DNM3: variants seen among roughly 807,000 people sequenced by gnomAD.
DNM3 encodes dynamin-3.
DNM3 carries 47 observed loss-of-function variants against 101.6 expected under a neutral mutation model. The observed-to-expected ratio is 0.46, with a 90% CI of 0.37 to 0.59. DNM3 has a LOEUF of 0.59. Among genes scored for constraint, DNM3 ranks in the 20% least tolerant of loss-of-function variants. The pLI is 0.00. For synonymous variants in DNM3, 385 were observed against 387.9 expected (o/e 0.99, Z 0.09); for missense variants, 849 against 1,085.7 (o/e 0.78, Z 3.06).
chr1:172,267,044 C>G (rs915340872), intron 15 of DNM3, among the ~76,000 whole-genome samples: 2 of 152,186 alleles, frequency 1.3e-5, no homozygotes, highest in Non-Finnish European at 2.9e-5. Context: ...GGGGGATCAC[C>G]TGAACAATGA....
intron 4 of DNM3, among the ~76,000 whole-genome samples, chr1:172,017,012 T>C (rs1182977324): frequency 6.6e-6 from 1 of 152,168 alleles, no homozygotes; most frequent in Admixed American, 6.5e-5. Flanking sequence ...ATTTAGGTTT[T>C]CAAATTTATG....
At chr1:172,038,297 T>C (rs1284126295) in intron 6 of DNM3, 22 bp from the exon 7 acceptor site, 18 of 1,612,816 alleles carry the variant, frequency 1.1e-5, no homozygotes, top group Non-Finnish European at 1.4e-5. Context: ...TCAATCTGTG[T>C]GTATCATTTT....
intron 15 of DNM3, among the ~76,000 whole-genome samples, chr1:172,277,475 A>G (rs1293590095): frequency 6.6e-6 from 1 of 152,030 alleles, no homozygotes; most frequent in Non-Finnish European, 1.5e-5. Context: ...AAAGGCAGTG[A>G]GTGTAGGAGT....
chr1:172,171,907 G>C (rs903453859), intron 14 of DNM3, among the ~76,000 whole-genome samples: 3 of 151,672 alleles, frequency 2.0e-5, no homozygotes, highest in Non-Finnish European at 3.0e-5. Context: ...TGAGAAAAGG[G>C]GATGGGGGAT....
At chr1:171,884,629 T>C (rs1222180467) in intron 1 of DNM3, among the ~76,000 whole-genome samples, 1 of 152,178 alleles carries the variant, frequency 6.6e-6, no homozygotes, top group Non-Finnish European at 1.5e-5. Flanking sequence ...TGCTTTCTGA[T>C]GGGACTCACT....
intron 17 of DNM3, among the ~76,000 whole-genome samples, chr1:172,340,075 A>C (rs1296337645): frequency 3.3e-5 from 5 of 152,164 alleles, no homozygotes; most frequent in African/African-American, 1.2e-4. Flanking sequence ...TGTATGAAGA[A>C]TGGATTTAGT....
intron 16 of DNM3, chr1:172,309,968 A>G (rs1428086355): frequency 2.0e-5 from 3 of 152,228 alleles, no homozygotes; most frequent in Non-Finnish European, 4.4e-5. Flanking sequence ...TCTGACACCT[A>G]AAACAATGAA....
At chr1:171,982,822 A>G (rs1022383236) in intron 2 of DNM3, among the ~76,000 whole-genome samples, 1 of 152,214 alleles carries the variant, frequency 6.6e-6, no homozygotes, top group African/African-American at 2.4e-5. Context: ...AAATGACTTC[A>G]GACAAATATG....
intron 16 of DNM3, among the ~76,000 whole-genome samples, chr1:172,313,757 T>A (rs1214857693): frequency 6.6e-6 from 1 of 151,382 alleles, no homozygotes; most frequent in African/African-American, 2.4e-5. Context: ...ATGTGTTCAA[T>A]GTCTCATAGC....
intron 1 of DNM3, among the ~76,000 whole-genome samples, chr1:171,846,297 T>G (rs1272793261): frequency 2.0e-5 from 3 of 152,200 alleles, no homozygotes; most frequent in Non-Finnish European, 4.4e-5. Flanking sequence ...ATTAGTAATG[T>G]CTGAGAGCAA....
chr1:172,162,424 A>G (rs2058578975), intron 14 of DNM3, among the ~76,000 whole-genome samples: 1 of 152,046 alleles, frequency 6.6e-6, no homozygotes, highest in African/African-American at 2.4e-5. Context: ...GATTAATGTC[A>G]AGTAGTTTAC....
chr1:172,303,235 G>A (rs2064563968), intron 15 of DNM3, among the ~76,000 whole-genome samples: 1 of 152,144 alleles, frequency 6.6e-6, no homozygotes, highest in Non-Finnish European at 1.5e-5. Context: ...CATGATGCAT[G>A]CACAAGCTTC....
chr1:172,217,427 T>A (rs2060743465), intron 14 of DNM3, among the ~76,000 whole-genome samples: 1 of 152,120 alleles, frequency 6.6e-6, no homozygotes, highest in South Asian at 2.1e-4. Context: ...ATATTTAAAA[T>A]CTCCTACTGG....
At chr1:172,399,461 T>A (rs2070291463) in intron 20 of DNM3, among the ~76,000 whole-genome samples, 2 of 152,116 alleles carry the variant, frequency 1.3e-5, no homozygotes, top group Admixed American at 1.3e-4. Context: ...ACCAGTCCCA[T>A]CTTAACTGCA....
intron 17 of DNM3, chr1:172,338,792 T>C (rs776922888): frequency 2.1e-6 from 1 of 483,274 alleles, no homozygotes; most frequent in South Asian, 1.5e-5. Context: ...CTCTGAAAAC[T>C]TTCAGGGAGT....
rs56401358 is a variant in DNM3, at chr1:172,307,423, G to T, written c.1770-1305G>T. On this transcript the variant is annotated intron_variant, in intron 15 of 20. Transcript: ENST00000627582. ...AAATAGGAATGCTTTTACACGGTTG[G>T]TGGGAGTGTAAACTAGTTCAACCAT... 7.1e-3 allele frequency among the ~76,000 whole-genome samples: 1,089 copies of T among 152,318 alleles called. 11 individuals carry two copies. Among genetic ancestry groups the T allele is most frequent in the African/African-American group, 0.025 (1,032 of 41,558 alleles).
Position 172,167,040 on chromosome 1 carries a change from G to A in DNM3, c.1659+35752G>A, listed in dbSNP as rs554974091. Among the ~76,000 whole-genome samples the A allele has an allele frequency of 5.3e-5, 8 of 151,846 alleles. No individual in the cohort carries two copies. The East Asian group carries it at 1.6e-3, about 29-fold the overall frequency. ...ACCCATTAACTCGTCATTTACATTAGGTATATCTCCTAATGCTATCCCTCC... is the reference window on the plus strand; with the variant it reads ...ACCCATTAACTCGTCATTTACATTAAGTATATCTCCTAATGCTATCCCTCC... On this transcript the variant is annotated intron_variant, in intron 14 of 20. Transcript: ENST00000627582.
chr1:172,038,402 A>G lies in DNM3; in HGVS notation c.933A>G (p.Val311=). ...AGTTGCTCTCCATAGAACATGAAGTAGAAGCCTACAAAAATTTCAAACCAG... is the reference window on the plus strand; with the variant it reads ...AGTTGCTCTCCATAGAACATGAAGTGGAAGCCTACAAAAATTTCAAACCAG... ...QGQLLSIEHE[V]EAYKNFKPED... Residue 311 remains valine, a synonymous_variant, in exon 7 of 21, where the codon GTA becomes GTG. Coordinates refer to ENST00000627582, the MANE Select transcript of DNM3 (RefSeq NM_015569.5). 6.2e-7 allele frequency: 1 copy of G among 1,613,500 alleles called. No individual in the cohort carries two copies. The highest frequency in any genetic ancestry group is 8.5e-7 in the Non-Finnish European group (1 of 1,179,584).
downstream of DNM3, among the ~76,000 whole-genome samples, chr1:172,414,902 T>TA (rs138381362): frequency 1.5e-4 from 18 of 119,272 alleles, no homozygotes; most frequent in African/African-American, 5.8e-4. Context: ...ACCTCATCTC[T>TA]AAAAAAAAAA....
Sources: allele counts gnomAD v4.1 joint callset (sites outside exome capture counted in the v4.1 genomes callset), GRCh38; gene constraint gnomAD v4.1.1; transcripts MANE v1.5; gene names NCBI Gene and HGNC (gene_info 2026-07-23, HGNC 2026-07-21).